The following GALNT13 variants were observed in gnomAD, a reference collection of about 807,000 sequenced individuals.
GALNT13 encodes the protein polypeptide N-acetylgalactosaminyltransferase 13, also known as UDP-GalNAc:polypeptide N-acetylgalactosaminyltransferase 13.
Under a neutral mutation model 64.2 loss-of-function variants are expected in GALNT13, and 28 were observed. That is an observed-to-expected ratio of 0.44 (90% CI 0.32 to 0.60). The LOEUF (loss-of-function observed/expected upper bound fraction) is 0.60. GALNT13 is among the 20% of genes least tolerant of loss of function. The pLI is 0.05. For missense variants in GALNT13, 577 were observed against 669.8 expected (o/e 0.86, Z 1.53); for synonymous variants, 214 against 224.6 (o/e 0.95, Z 0.42).
chr2:153,289,406 A>G, the GALNT13 span, among the ~76,000 whole-genome samples: 1 of 152,318 alleles, frequency 6.6e-6, no homozygotes, highest in South Asian at 2.1e-4. Context: ...GCTTCACTGC[A>G]CCTATTTGGA....
At chr2:154,104,973 G>A (rs748742237) in intron 3 of GALNT13, among the ~76,000 whole-genome samples, 1 of 152,174 alleles carries the variant, frequency 6.6e-6, no homozygotes, top group Non-Finnish European at 1.5e-5. Flanking sequence ...CTGCCACAGT[G>A]TTGCCCAGAC....
At chr2:153,173,264 C>T in the GALNT13 span, 1 of 152,102 alleles carries the variant, frequency 6.6e-6, no homozygotes, top group Admixed American at 6.6e-5. Flanking sequence ...ACTGGTTACC[C>T]TGAGGTGAGT....
chr2:153,913,513 G>A (rs1052998463), intron 2 of GALNT13, among the ~76,000 whole-genome samples: 8 of 152,144 alleles, frequency 5.3e-5, no homozygotes, highest in African/African-American at 1.4e-4. Flanking sequence ...ACCATGCTCC[G>A]CTACAGACAC....
At chr2:153,445,626 C>T in the GALNT13 span, among the ~76,000 whole-genome samples, 38 of 152,254 alleles carry the variant, frequency 2.5e-4, no homozygotes, top group Non-Finnish European at 4.9e-4. Flanking sequence ...AATCTGCCTG[C>T]CTTGGCGTCC....
the GALNT13 span, among the ~76,000 whole-genome samples, chr2:153,716,900 A>G: frequency 1.3e-5 from 2 of 152,150 alleles, no homozygotes; most frequent in Non-Finnish European, 2.9e-5. Context: ...AAATATTTTC[A>G]TGTTCTTCTT....
chr2:153,282,812 G>GT, the GALNT13 span, among the ~76,000 whole-genome samples: 1 of 152,088 alleles, frequency 6.6e-6, no homozygotes, highest in Non-Finnish European at 1.5e-5. Context: ...ATACAGTAGG[G>GT]TTTTTTCTTT....
chr2:153,485,121 G>A, the GALNT13 span, among the ~76,000 whole-genome samples: 1 of 152,164 alleles, frequency 6.6e-6, no homozygotes, highest in Non-Finnish European at 1.5e-5. Context: ...TTATAGGACT[G>A]TATATCCTGC....
At chr2:153,382,989 A>G in the GALNT13 span, among the ~76,000 whole-genome samples, 1 of 152,082 alleles carries the variant, frequency 6.6e-6, no homozygotes, top group Admixed American at 6.6e-5. Flanking sequence ...AAACAATATC[A>G]TTATATAAAT....
the GALNT13 span, among the ~76,000 whole-genome samples, chr2:153,737,622 C>G: frequency 6.6e-6 from 1 of 151,992 alleles, no homozygotes; most frequent in African/African-American, 2.4e-5. Flanking sequence ...CATAACAATT[C>G]TATTTCGATA....
At chr2:153,520,700 A>G in the GALNT13 span, among the ~76,000 whole-genome samples, 1 of 152,160 alleles carries the variant, frequency 6.6e-6, no homozygotes, top group Admixed American at 6.5e-5. Context: ...CATTTCTCTT[A>G]TAATTTATTT....
chr2:154,179,122 T>A (rs1199534329), intron 4 of GALNT13, among the ~76,000 whole-genome samples: 1 of 152,168 alleles, frequency 6.6e-6, no homozygotes, highest in Non-Finnish European at 1.5e-5. Context: ...ATTATCCCTG[T>A]CTCTGAAACT....
the GALNT13 span, among the ~76,000 whole-genome samples, chr2:153,552,575 CTTTTTTTTTTTTTT>C: frequency 1.2e-4 from 8 of 69,326 alleles, no homozygotes; most frequent in Non-Finnish European, 2.0e-4. Context: ...GCTTCTTCTT[CTTTTTTTTTTTTTT>C]TTTTTTTTTT....
At chr2:153,511,061 C>T in the GALNT13 span, among the ~76,000 whole-genome samples, 3 of 151,900 alleles carry the variant, frequency 2.0e-5, no homozygotes, top group Non-Finnish European at 4.4e-5. Flanking sequence ...CAGACGATTT[C>T]CTTTATTTGG....
At chr2:153,888,422 A>G (rs955294087) in intron 1 of GALNT13, among the ~76,000 whole-genome samples, 6 of 152,072 alleles carry the variant, frequency 3.9e-5, no homozygotes, top group African/African-American at 1.4e-4. Context: ...ATAGTATTGT[A>G]TTTATCTGTG....
At chr2:154,247,429 C>T (rs1689838953) in intron 7 of GALNT13, among the ~76,000 whole-genome samples, 1 of 152,050 alleles carries the variant, frequency 6.6e-6, no homozygotes, top group Admixed American at 6.5e-5. Context: ...TTGACCAATA[C>T]ACTTACATAT....
intron 4 of GALNT13, among the ~76,000 whole-genome samples, chr2:154,206,799 C>A (rs77080301): frequency 0.06 from 7,948 of 131,906 alleles, 211 homozygotes; most frequent in Middle Eastern, 0.12. Flanking sequence ...ACAACAACAA[C>A]AAAAAAAAAA....
the GALNT13 span, among the ~76,000 whole-genome samples, chr2:153,423,714 T>A: frequency 6.6e-6 from 1 of 151,756 alleles, no homozygotes; most frequent in Non-Finnish European, 1.5e-5. Context: ...TAGAAGTAAC[T>A]TCACAGAGGC....
intron 2 of GALNT13, among the ~76,000 whole-genome samples, chr2:153,915,147 A>G (rs1034026503): frequency 1.3e-5 from 2 of 152,176 alleles, no homozygotes; most frequent in Admixed American, 1.3e-4. Context: ...TTACCTGCCC[A>G]TTCAGCAAGG....
chr2:153,967,054 C>G (rs1357011469), intron 3 of GALNT13, among the ~76,000 whole-genome samples: 1 of 152,092 alleles, frequency 6.6e-6, no homozygotes, highest in Non-Finnish European at 1.5e-5. Context: ...TTCTTCATCT[C>G]TAGAATTTTT....
Sources: allele counts gnomAD v4.1 joint callset (sites outside exome capture counted in the v4.1 genomes callset), GRCh38; gene constraint gnomAD v4.1.1; transcripts MANE v1.5; gene names NCBI Gene and HGNC (gene_info 2026-07-23, HGNC 2026-07-21).